The following UNC5C variants were observed in gnomAD, a reference collection of about 807,000 sequenced individuals.
UNC5C encodes unc-5 netrin receptor C.
Under a neutral mutation model 99.8 loss-of-function variants are expected in UNC5C, and 47 were observed. That is an observed-to-expected ratio of 0.47 (90% CI 0.37 to 0.60). UNC5C has a LOEUF of 0.60. UNC5C is among the 20% of genes least tolerant of loss of function. UNC5C has a pLI of 0.00. For synonymous variants in UNC5C, 487 were observed against 452.2 expected (o/e 1.08, Z -0.98); for missense variants, 1,062 against 1,165.9 (o/e 0.91, Z 1.30).
At chr4:95,192,509 C>A (rs1737188543) in intron 12 of UNC5C, among the ~76,000 whole-genome samples, 1 of 144,818 alleles carries the variant, frequency 6.9e-6, no homozygotes, top group Non-Finnish European at 1.5e-5. Flanking sequence ...CCTCTCCTCC[C>A]CTGCTCACCT....
chr4:95,183,422 C>G (rs925687245), intron 13 of UNC5C, among the ~76,000 whole-genome samples: 1 of 151,790 alleles, frequency 6.6e-6, no homozygotes, highest in Admixed American at 6.6e-5. Flanking sequence ...CAAAATAAAA[C>G]TTGCACACAC....
In UNC5C at chr4:95,220,152, G is replaced by A. The variant is rs558173942; in HGVS notation, c.1133C>T (p.Ala378Val). 3.7e-6 allele frequency: 6 copies of A among 1,613,704 alleles called. No individual in the cohort carries two copies. In the African/African-American group the frequency reaches 8.0e-5, roughly 22 times the overall value. ...TGCTATCACAATCCCAACATAGAGA[G>A]CAACATCATCTGAATCAGGAGCAGC... Reference protein sequence around the residue: ...MQTAPDSDDVALYVGIVIAVI... With the variant: ...MQTAPDSDDVVLYVGIVIAVI... Residue 378 changes from alanine to valine, a missense_variant, in exon 8 of 16, where the codon GCT becomes GTT. Coordinates refer to ENST00000453304, the MANE Select transcript of UNC5C (RefSeq NM_003728.4).
chr4:95,171,098 C>A (rs551303434), intron 14 of UNC5C, among the ~76,000 whole-genome samples: 1 of 152,154 alleles, frequency 6.6e-6, no homozygotes, highest in African/African-American at 2.4e-5. Context: ...AGGAGAAATT[C>A]TAATCATTTT....
chr4:95,420,040 C>A (rs1202529243), intron 1 of UNC5C, among the ~76,000 whole-genome samples: 1 of 152,118 alleles, frequency 6.6e-6, no homozygotes, highest in African/African-American at 2.4e-5. Flanking sequence ...ATCAACATTT[C>A]CTCTTGAGAT....
At chr4:95,401,071 C>T (rs944577307) in intron 1 of UNC5C, among the ~76,000 whole-genome samples, 8 of 151,964 alleles carry the variant, frequency 5.3e-5, no homozygotes, top group South Asian at 2.1e-4. Context: ...ATATTTGAGA[C>T]GATTTTCTCA....
At position 95,250,641 on chromosome 4, in the gene UNC5C, T is replaced by C. The variant is rs757758421; in HGVS notation, c.621A>G (p.Ile207Met). ...AEVEWLKNEDIIDPVEDRNFY... is the reference protein window; with the variant it reads ...AEVEWLKNEDMIDPVEDRNFY... Reference sequence around the variant, plus strand: ...AATTCCGATCTTCAACGGGATCAATTATGTCTTCATTTTTCAACCATTCCA... The same window carrying C: ...AATTCCGATCTTCAACGGGATCAATCATGTCTTCATTTTTCAACCATTCCA... Residue 207 changes from isoleucine to methionine, a missense_variant, in exon 5 of 16, where the codon ATA becomes ATG. Ile to Met is a conservative substitution (Grantham distance 10, BLOSUM62 1). Around this residue, in one of 3 missense-constraint regions of UNC5C, gnomAD observed 249 missense variants for 295.1 expected, o/e 0.84. Coordinates refer to ENST00000453304, the MANE Select transcript of UNC5C (RefSeq NM_003728.4). 1.9e-6 allele frequency: 3 copies of C among 1,613,894 alleles called. No individual in the cohort carries two copies. Among genetic ancestry groups the C allele is most frequent in the Non-Finnish European group, 8.5e-7 (1 of 1,179,908 alleles).
chr4:95,535,785 A>G (rs1722757029), intron 1 of UNC5C, among the ~76,000 whole-genome samples: 1 of 152,048 alleles, frequency 6.6e-6, no homozygotes, highest in Admixed American at 6.6e-5. Context: ...TATATCAGGA[A>G]ATTATCAGAT....
intron 2 of UNC5C, among the ~76,000 whole-genome samples, chr4:95,325,630 T>C (rs1199332573): frequency 6.6e-6 from 1 of 152,176 alleles, no homozygotes; most frequent in African/African-American, 2.4e-5. Context: ...TACCTAAGTC[T>C]AGGTTTTGAT....
chr4:95,250,411 G>A, intron 5 of UNC5C, 76 bp downstream of exon 5: 2 of 1,452,280 alleles, frequency 1.4e-6, no homozygotes, highest in Non-Finnish European at 9.4e-7. Context: ...TAAAAAAAGG[G>A]CTTCTAGCTT....
chr4:95,404,111 T>G (rs1238838322), intron 1 of UNC5C, among the ~76,000 whole-genome samples: 1 of 152,204 alleles, frequency 6.6e-6, no homozygotes, highest in Non-Finnish European at 1.5e-5. Context: ...AAAACATAAA[T>G]TAATAATGCA....
At chr4:95,384,038 A>C (rs1240935162) in intron 1 of UNC5C, among the ~76,000 whole-genome samples, 1 of 152,200 alleles carries the variant, frequency 6.6e-6, no homozygotes, top group Admixed American at 6.5e-5. Context: ...TAACTAATTT[A>C]ACTCATAAAG....
chr4:95,343,465 C>G (rs1423737754), intron 1 of UNC5C, among the ~76,000 whole-genome samples: 1 of 152,050 alleles, frequency 6.6e-6, no homozygotes, highest in Middle Eastern at 3.2e-3. Context: ...GCTTGGGATG[C>G]CACCTAATGC....
intron 1 of UNC5C, among the ~76,000 whole-genome samples, chr4:95,374,281 G>C (rs950517958): frequency 6.6e-5 from 10 of 152,110 alleles, no homozygotes; most frequent in African/African-American, 2.4e-4. Flanking sequence ...AAAGTATTAA[G>C]TAAAATATTT....
At chr4:95,246,316 G>C (rs1261930901) in intron 5 of UNC5C, among the ~76,000 whole-genome samples, 1 of 152,004 alleles carries the variant, frequency 6.6e-6, no homozygotes, top group Non-Finnish European at 1.5e-5. Flanking sequence ...AAGCACTTTG[G>C]GAAGCCAAGG....
chr4:95,192,737 C>T (rs867756129), intron 12 of UNC5C, among the ~76,000 whole-genome samples: 3 of 152,008 alleles, frequency 2.0e-5, no homozygotes, highest in African/African-American at 7.3e-5. Context: ...CTCTGCTCAC[C>T]TCTTCCTCTG....
intron 12 of UNC5C, among the ~76,000 whole-genome samples, chr4:95,193,726 G>A (rs1172083901): frequency 6.6e-6 from 1 of 152,128 alleles, no homozygotes; most frequent in African/African-American, 2.4e-5. Context: ...AAAAAGAGCG[G>A]CCGCCCTTCT....
At chr4:95,540,992 T>A (rs1344596040) in intron 1 of UNC5C, among the ~76,000 whole-genome samples, 1 of 152,126 alleles carries the variant, frequency 6.6e-6, no homozygotes, top group Non-Finnish European at 1.5e-5. Flanking sequence ...CAAAGGGTTT[T>A]TAAGGCCATA....
At chr4:95,194,453 G>A (rs1737293755) in intron 12 of UNC5C, among the ~76,000 whole-genome samples, 1 of 152,138 alleles carries the variant, frequency 6.6e-6, no homozygotes, top group South Asian at 2.1e-4. Context: ...TTCTCGTTGA[G>A]TTAAAATCAA....
At chr4:95,180,500 C>T (rs1166939569) in intron 14 of UNC5C, among the ~76,000 whole-genome samples, 3 of 152,244 alleles carry the variant, frequency 2.0e-5, no homozygotes, top group African/African-American at 7.2e-5. Context: ...GTTAGTCTTC[C>T]AGACATTTTC....
Sources: allele counts gnomAD v4.1 joint callset (sites outside exome capture counted in the v4.1 genomes callset), GRCh38; gene constraint gnomAD v4.1.1; regional missense constraint gnomAD v4.1.1; transcripts MANE v1.5; gene names NCBI Gene and HGNC (gene_info 2026-07-23, HGNC 2026-07-21).